Variants in TMEM120B observed in about 807,000 individuals in gnomAD.
TMEM120B encodes the protein transmembrane protein 120B.
Under a neutral mutation model 55.5 loss-of-function variants are expected in TMEM120B, and 31 were observed. The ratio of observed to expected loss-of-function variants is 0.56; its 90% CI spans 0.42 to 0.75. TMEM120B has a LOEUF of 0.75. Ranked by LOEUF, TMEM120B falls within the 30% of genes least tolerant of loss-of-function variation. The pLI, the probability that TMEM120B is intolerant of heterozygous loss-of-function variation, is 0.00. For synonymous variants in TMEM120B, 203 were observed against 176.3 expected (o/e 1.15, Z -1.20); for missense variants, 399 against 425.5 (o/e 0.94, Z 0.55).
In TMEM120B at chr12:121,780,793, G is replaced by A. The variant is rs768166662; in HGVS notation, c.*5071G>A. On this transcript the variant is annotated 3_prime_UTR_variant, in exon 12 of 12. Transcript: ENST00000449592. ...CCTCAGCTCCCTGAAAGGCCACTAA[G>A]GCACCCCAGTTGCAGAGGCCAAAGG... The A allele has an allele frequency of 1.3e-6, 2 of 1,496,498 alleles. No homozygotes were observed. The highest frequency in any genetic ancestry group is 1.8e-6 in the Non-Finnish European group (2 of 1,115,062). 92.7% of individuals were successfully genotyped at this position (1,496,498 alleles called of 1,614,324 possible). A position where few individuals can be genotyped will look rare whatever the true frequency, so the allele number is the denominator to read the frequency against.
In TMEM120B at chr12:121,775,557, G is replaced by A; in HGVS notation, c.907-52G>A. ...GAGATTCTGGGGTGCTGGGGGCAGG[G>A]GTTCAGCAGGGCAGATGCCCCAGCC... On this transcript the variant is annotated intron_variant, in intron 11 of 11. Transcript: ENST00000449592. This position sits in a 1 kb window ranked among gnomAD's most constrained non-coding sequence, Gnocchi z 4.3. 1 of 1,573,846 alleles carries A rather than the reference G, an allele frequency of 6.4e-7. No individual in the cohort carries two copies. The highest frequency in any genetic ancestry group is 8.6e-7 in the Non-Finnish European group (1 of 1,158,226).
chr12:121,729,565 G>T (rs1278430552), intron 1 of TMEM120B, among the ~76,000 whole-genome samples: 1 of 152,030 alleles, frequency 6.6e-6, no homozygotes, highest in Non-Finnish European at 1.5e-5. Flanking sequence ...CAGCACTTTG[G>T]GAGGCTGAAG....
chr12:121,756,120 T>C (rs533936261), intron 5 of TMEM120B, among the ~76,000 whole-genome samples: 1 of 152,290 alleles, frequency 6.6e-6, no homozygotes, highest in South Asian at 2.1e-4. Context: ...TGCTGAATAA[T>C]GATCCCCAAA....
intron 6 of TMEM120B, 77 bp from the exon 7 acceptor site, chr12:121,770,827 GCAT>G: frequency 7.6e-7 from 1 of 1,324,044 alleles, no homozygotes. Context: ...AACCCCTGCT[GCAT>G]AGGTGGGGCC....
intron 1 of TMEM120B, among the ~76,000 whole-genome samples, chr12:121,740,379 G>A (rs920452625): frequency 6.6e-6 from 1 of 151,890 alleles, no homozygotes; most frequent in African/African-American, 2.4e-5. Context: ...AGCTACTCGG[G>A]AGGCTGAGGC....
At chr12:121,748,974 A>G (rs533695847) in intron 3 of TMEM120B, among the ~76,000 whole-genome samples, 1 of 152,260 alleles carries the variant, frequency 6.6e-6, no homozygotes, top group South Asian at 2.1e-4. Context: ...CCCTTAAGTG[A>G]TGTCATTGCC....
At chr12:121,713,003 G>A (rs1040060107) in intron 1 of TMEM120B, 39 bp downstream of exon 1, 11 of 1,472,232 alleles carry the variant, frequency 7.5e-6, no homozygotes, top group African/African-American at 1.5e-5. Context: ...TCTGCTGCCC[G>A]CGGTGCAGCG....
In TMEM120B at chr12:121,775,262, T is replaced by G; in HGVS notation, c.906+132T>G. On this transcript the variant is annotated intron_variant, in intron 11 of 11. Transcript: ENST00000449592. The surrounding 1 kb of genome is among the most constrained non-coding windows in gnomAD (Gnocchi z 4.3). ...GGATGGCAGATGTGGGGGTGGGGTG[T>G]GTGCGTGTGTGTGGTGTGCTGTGGG... 2.3e-6 allele frequency: 2 copies of G among 858,402 alleles called. No homozygotes were observed. Among genetic ancestry groups the G allele is most frequent in the South Asian group, 1.6e-5 (1 of 63,040 alleles). The allele number at this position is 858,402 out of a possible 1,614,324, so 53.2% of individuals were successfully genotyped here.
chr12:121,752,425 G>A (rs752321645), intron 5 of TMEM120B, among the ~76,000 whole-genome samples: 13 of 152,100 alleles, frequency 8.5e-5, no homozygotes, highest in African/African-American at 1.9e-4. Context: ...TCTGTTAAAC[G>A]GCTGCTGGAA....
chr12:121,761,523 G>A, intron 5 of TMEM120B, 126 bp from the exon 6 acceptor site: 1 of 656,354 alleles, frequency 1.5e-6, no homozygotes, highest in South Asian at 1.8e-5. Flanking sequence ...TGTCATAAGG[G>A]CTTCCAGAGG....
intron 5 of TMEM120B, chr12:121,758,797 C>T (rs916189581): frequency 1.2e-4 from 119 of 977,348 alleles, no homozygotes; most frequent in Non-Finnish European, 1.3e-4. Flanking sequence ...ACGGCCTAGC[C>T]CCGTGCTGTG....
chr12:121,717,342 T>G (rs1459202995), intron 1 of TMEM120B, among the ~76,000 whole-genome samples: 1 of 152,184 alleles, frequency 6.6e-6, no homozygotes, highest in African/African-American at 2.4e-5. Context: ...ATGGTAAAGA[T>G]TTTGGCTTTT....
At chr12:121,749,407 C>T (rs181974060) in intron 3 of TMEM120B, among the ~76,000 whole-genome samples, 14 of 152,316 alleles carry the variant, frequency 9.2e-5, no homozygotes, top group Admixed American at 3.3e-4. Flanking sequence ...CAAGGCCGGG[C>T]GCGGTGGCTT....
At position 121,780,651 on chromosome 12, in the gene TMEM120B, G is replaced by C; in HGVS notation, c.*4929G>C. 1.7e-6 allele frequency: 1 copy of C among 591,962 alleles called. No individual in the cohort carries two copies. The highest frequency in any genetic ancestry group is 2.9e-6 in the Non-Finnish European group (1 of 341,388). The allele number at this position is 591,962 out of a possible 1,614,324, so 36.7% of individuals were successfully genotyped here. On this transcript the variant is annotated 3_prime_UTR_variant, in exon 12 of 12. Coordinates refer to ENST00000449592, the MANE Select transcript of TMEM120B (RefSeq NM_001080825.2). Reference sequence around the variant, plus strand: ...CCTCAGTTTCTCCCCCTGTAAACTGGGGGATGTGAACAGCGCCTGCCTCCG... The same window carrying C: ...CCTCAGTTTCTCCCCCTGTAAACTGCGGGATGTGAACAGCGCCTGCCTCCG...
At chr12:121,716,065 GGGAGGACC>G (rs1239889366) in intron 1 of TMEM120B, among the ~76,000 whole-genome samples, 2 of 150,582 alleles carry the variant, frequency 1.3e-5, no homozygotes, top group African/African-American at 4.9e-5. Flanking sequence ...AGGACAAGTT[GGGAGGACC>G]GCTCCCAGCA....
rs542106552 is a variant in TMEM120B, at chr12:121,771,115, G to T, written c.617+143G>T. 19 of 923,348 alleles carry T rather than the reference G, an allele frequency of 2.1e-5. No homozygotes were observed. In the East Asian group the frequency reaches 4.7e-4, roughly 23 times the overall value. The allele number at this position is 923,348 out of a possible 1,614,324, so 57.2% of individuals were successfully genotyped here. ...AAAGAAAGTATGAGCCTGCAGCTGC[G>T]CCGGGCTGCGCGGGCCCCACCCAGC... On this transcript the variant is annotated intron_variant, in intron 7 of 11. Coordinates refer to ENST00000449592, the MANE Select transcript of TMEM120B (RefSeq NM_001080825.2).
chr12:121,730,085 C>A (rs189531603), intron 1 of TMEM120B, among the ~76,000 whole-genome samples: 30 of 150,600 alleles, frequency 2.0e-4, no homozygotes, highest in Admixed American at 1.1e-3. Context: ...ATGGTGAAAC[C>A]CCGTCTCTAC....
At chr12:121,759,800 C>T (rs1159877809) in intron 5 of TMEM120B, among the ~76,000 whole-genome samples, 3 of 152,056 alleles carry the variant, frequency 2.0e-5, no homozygotes, top group Non-Finnish European at 4.4e-5. Flanking sequence ...AGTTCGATAC[C>T]AGCCTGGCCA....
At chr12:121,774,624 T>C (rs1874175548) in intron 9 of TMEM120B, 34 bp from the exon 10 acceptor site, 1 of 1,608,610 alleles carries the variant, frequency 6.2e-7, no homozygotes, top group African/African-American at 1.3e-5. Context: ...GCGGACCCCC[T>C]CAGCGGGTCC....
Sources: gnomAD v4.1 joint callset for allele counts (sites outside exome capture counted in the v4.1 genomes callset) on GRCh38, gnomAD v4.1.1 for gene constraint, Gnocchi (gnomAD v3.1) non-coding constraint, MANE v1.5 for transcripts, NCBI Gene and HGNC (gene_info 2026-07-23, HGNC 2026-07-21) for gene names.